Variants in SLC41A3 observed in about 807,000 individuals in gnomAD.
SLC41A3 encodes SLC41A1-like 2.
In SLC41A3, 44 loss-of-function variants were observed where a neutral mutation model predicts 45.4. That is an observed-to-expected ratio of 0.97 (90% CI 0.76 to 1.25). The LOEUF is 1.25. Ranked by LOEUF, SLC41A3 falls within the 50% of genes most tolerant of loss-of-function variation. The probability of loss-of-function intolerance (pLI) is 0.00; values close to 1 mark genes in which losing one functional copy is unlikely to be tolerated. For synonymous variants in SLC41A3, 256 were observed against 252.4 expected (o/e 1.01, Z -0.13); for missense variants, 550 against 600.6 (o/e 0.92, Z 0.88).
At chr3:126,008,936 T>C (rs554520434) in intron 9 of SLC41A3, 56 bp from the exon 10 acceptor site, 23 of 1,602,104 alleles carry the variant, frequency 1.4e-5, no homozygotes, top group African/African-American at 8.0e-5. Context: ...CACTTTGGCA[T>C]GTGACAGTCC....
chr3:126,051,250 T>G (rs757214544), intron 2 of SLC41A3, among the ~76,000 whole-genome samples, 200 bp from the exon 3 acceptor site: 30 of 152,240 alleles, frequency 2.0e-4, no homozygotes, highest in Non-Finnish European at 3.4e-4. Context: ...ACTGAATCAG[T>G]ATCAGCGGCC....
chr3:126,007,767 G>A (rs1939249720), intron 10 of SLC41A3, among the ~76,000 whole-genome samples: 1 of 152,048 alleles, frequency 6.6e-6, no homozygotes, highest in African/African-American at 2.4e-5. Context: ...TACCCTTTAG[G>A]GTCAGGAACA....
chr3:126,029,369 CT>C (rs66513227), intron 4 of SLC41A3, among the ~76,000 whole-genome samples: 5 of 151,004 alleles, frequency 3.3e-5, no homozygotes, highest in African/African-American at 4.9e-5. Flanking sequence ...GTGGCACTCC[CT>C]CCCCCACCAC....
intron 3 of SLC41A3, among the ~76,000 whole-genome samples, chr3:126,047,801 T>A (rs150438044): frequency 5.3e-5 from 8 of 152,054 alleles, no homozygotes; most frequent in African/African-American, 1.7e-4. Flanking sequence ...AAAGAAAACA[T>A]AGGCAAAAAG....
chr3:126,021,453 C>T (rs552797987), intron 6 of SLC41A3, among the ~76,000 whole-genome samples: 116 of 152,282 alleles, frequency 7.6e-4, no homozygotes, highest in Non-Finnish European at 1.3e-3. Context: ...AAAACCCTAT[C>T]GGGGATTATG....
intron 1 of SLC41A3, among the ~76,000 whole-genome samples, chr3:126,075,780 G>A (rs558384950): frequency 6.6e-6 from 1 of 152,102 alleles, no homozygotes; most frequent in Non-Finnish European, 1.5e-5. Context: ...ATAATCACAT[G>A]CAAAAGAATG....
Position 126,060,439 on chromosome 3 carries a change from T to TACACAC in SLC41A3, c.273+7502_273+7507dup, listed in dbSNP as rs60317078. ...TGTCTCAAAAAAAAAGTGAGAAGGA[T>TACACAC]ACACACACACACACACACACACGTG... On this transcript the variant is annotated intron_variant, in intron 2 of 10. Coordinates refer to ENST00000360370, the MANE Select transcript of SLC41A3 (RefSeq NM_017836.4). Among the ~76,000 whole-genome samples, 592 of 146,414 alleles carry TACACAC rather than the reference T, an allele frequency of 4.0e-3. 6 individuals carry two copies. The highest frequency in any genetic ancestry group is 0.011 in the South Asian group (50 of 4,450).
intron 2 of SLC41A3, among the ~76,000 whole-genome samples, chr3:126,051,856 C>T (rs932675060): frequency 7.2e-5 from 11 of 152,080 alleles, no homozygotes; most frequent in African/African-American, 1.4e-4. Flanking sequence ...ATCCCTGCTT[C>T]GTCATCAAGG....
chr3:126,053,482 G>C (rs951747466), intron 2 of SLC41A3, among the ~76,000 whole-genome samples: 1 of 152,108 alleles, frequency 6.6e-6, no homozygotes, highest in Admixed American at 6.5e-5. Context: ...AAAAATACTG[G>C]GTGACACTGT....
chr3:126,035,502 G>C (rs1458327920), intron 3 of SLC41A3, among the ~76,000 whole-genome samples: 3 of 152,174 alleles, frequency 2.0e-5, no homozygotes, highest in Non-Finnish European at 4.4e-5. Context: ...AAACAGCAGA[G>C]GACCTCCTCC....
chr3:126,061,491 G>T (rs942557516), intron 2 of SLC41A3, among the ~76,000 whole-genome samples: 5 of 152,160 alleles, frequency 3.3e-5, no homozygotes, highest in Non-Finnish European at 5.9e-5. Context: ...TGCTATCAAC[G>T]TTGACCCCAG....
intron 4 of SLC41A3, among the ~76,000 whole-genome samples, chr3:126,028,943 C>T (rs1177709038): frequency 6.6e-6 from 1 of 152,234 alleles, no homozygotes; most frequent in Non-Finnish European, 1.5e-5. Context: ...TGGCTGATTT[C>T]TCCCCTTTGA....
intron 2 of SLC41A3, among the ~76,000 whole-genome samples, chr3:126,063,617 T>A (rs1484350725): frequency 6.6e-6 from 1 of 152,174 alleles, no homozygotes. Flanking sequence ...GGGAATTTCC[T>A]GCCTCACTGA....
At chr3:126,093,281 A>G (rs1945525660) in intron 1 of SLC41A3, among the ~76,000 whole-genome samples, 1 of 152,264 alleles carries the variant, frequency 6.6e-6, no homozygotes, top group Admixed American at 6.5e-5. Context: ...AGTCTGAAAT[A>G]TGTCCAAAAT....
chr3:126,022,170 T>A (rs534411757), intron 6 of SLC41A3, among the ~76,000 whole-genome samples: 12 of 152,358 alleles, frequency 7.9e-5, no homozygotes, highest in African/African-American at 2.9e-4. Context: ...TTGAAATCTT[T>A]CCTTCCAGAA....
intron 9 of SLC41A3, among the ~76,000 whole-genome samples, chr3:126,011,891 A>T (rs1939749198): frequency 6.9e-6 from 1 of 144,636 alleles, no homozygotes; most frequent in South Asian, 2.2e-4. Context: ...TAGAAAGGAA[A>T]TCCAAAACAA....
intron 4 of SLC41A3, among the ~76,000 whole-genome samples, chr3:126,032,396 G>A (rs1296282387): frequency 1.3e-5 from 2 of 152,236 alleles, no homozygotes; most frequent in Non-Finnish European, 2.9e-5. Context: ...ACTGCATGCT[G>A]AGAAGCAGCT....
At chr3:126,072,473 G>T (rs1446989731) in intron 1 of SLC41A3, among the ~76,000 whole-genome samples, 1 of 150,620 alleles carries the variant, frequency 6.6e-6, no homozygotes, top group Non-Finnish European at 1.5e-5. Flanking sequence ...AAAGACAGAA[G>T]ACTCAAATAG....
chr3:126,041,427 T>C (rs1576288357), intron 3 of SLC41A3, among the ~76,000 whole-genome samples: 1 of 151,870 alleles, frequency 6.6e-6, no homozygotes, highest in East Asian at 1.9e-4. Context: ...ATAACACAGA[T>C]GATAAAAGAA....
Sources: gnomAD v4.1 joint callset for allele counts (sites outside exome capture counted in the v4.1 genomes callset) on GRCh38, gnomAD v4.1.1 for gene constraint, MANE v1.5 for transcripts, NCBI Gene and HGNC (gene_info 2026-07-23, HGNC 2026-07-21) for gene names.